CUX1: variants seen among roughly 807,000 people sequenced by gnomAD.
CUX1 encodes cut like homeobox 1.
CUX1 carries 31 observed loss-of-function variants against 158.8 expected under a neutral mutation model. The observed-to-expected ratio is 0.20, with a 90% CI of 0.15 to 0.26. The LOEUF is 0.26. Among genes scored for constraint, CUX1 ranks in the 10% least tolerant of loss-of-function variants. The pLI, the probability that CUX1 is intolerant of heterozygous loss-of-function variation, is 1.00. For missense variants in CUX1, 1,589 were observed against 2,014.6 expected (o/e 0.79, Z 4.04); for synonymous variants, 879 against 862.1 (o/e 1.02, Z -0.34).
intron 22 of CUX1, among the ~76,000 whole-genome samples, chr7:102,235,228 G>A (rs1234338369): frequency 2.0e-5 from 3 of 152,210 alleles, no homozygotes; most frequent in Non-Finnish European, 2.9e-5. Flanking sequence ...GCTGGTCCTC[G>A]CCAGTGAGTC....
At chr7:102,106,322 T>A (rs1329029190) in intron 6 of CUX1, among the ~76,000 whole-genome samples, 6 of 152,074 alleles carry the variant, frequency 3.9e-5, no homozygotes, top group African/African-American at 1.4e-4. Flanking sequence ...TCTCTTGACC[T>A]TGTGATCTGC....
At chr7:102,232,515 T>C (rs1207698411) in intron 21 of CUX1, among the ~76,000 whole-genome samples, 1 of 152,146 alleles carries the variant, frequency 6.6e-6, no homozygotes, top group Non-Finnish European at 1.5e-5. Context: ...AGGTGCCTTC[T>C]GTTCTGTACA....
At chr7:102,205,881 G>A (rs1225238546) in intron 20 of CUX1, among the ~76,000 whole-genome samples, 2 of 151,766 alleles carry the variant, frequency 1.3e-5, no homozygotes, top group African/African-American at 2.4e-5. Context: ...TCTCGTCTGC[G>A]CCCCCCCGCC....
intron 2 of CUX1, among the ~76,000 whole-genome samples, chr7:102,006,419 CAG>C (rs1040119031): frequency 1.3e-5 from 2 of 152,052 alleles, no homozygotes; most frequent in Non-Finnish European, 2.9e-5. Flanking sequence ...TTCTTTGAGA[CAG>C]AGTCTCGCGC....
chr7:102,283,166 TC>T, exon 23 of CUX1: 1 of 1,214,104 alleles, frequency 8.2e-7, no homozygotes, highest in Non-Finnish European at 1.2e-6. Flanking sequence ...TCACTTAGAC[TC>T]CCCTGAAGAA....
intron 1 of CUX1, among the ~76,000 whole-genome samples, chr7:101,831,386 G>C (rs1025291951): frequency 6.6e-6 from 1 of 152,012 alleles, no homozygotes; most frequent in East Asian, 1.9e-4. Flanking sequence ...TGCTTCCTGG[G>C]TTCAAGTGAT....
At chr7:102,097,187 T>G (rs954590049) in intron 4 of CUX1, among the ~76,000 whole-genome samples, 177 bp from the exon 5 acceptor site, 6 of 152,356 alleles carry the variant, frequency 3.9e-5, no homozygotes, top group South Asian at 2.1e-4. Context: ...CCATCCTTTG[T>G]AAAGCACTGG....
chr7:101,825,203 A>G (rs941229063), intron 1 of CUX1, among the ~76,000 whole-genome samples: 8 of 152,236 alleles, frequency 5.3e-5, no homozygotes, highest in Non-Finnish European at 1.0e-4. Flanking sequence ...TTCCCTTCCT[A>G]TTCACACAGT....
chr7:102,176,279 A>G (rs1392960677), intron 10 of CUX1, among the ~76,000 whole-genome samples: 6 of 152,186 alleles, frequency 3.9e-5, no homozygotes, highest in Non-Finnish European at 8.8e-5. Flanking sequence ...TGGTGAGCAC[A>G]CGGTGCATGG....
chr7:101,824,969 T>C (rs1793094083), intron 1 of CUX1, among the ~76,000 whole-genome samples: 1 of 152,186 alleles, frequency 6.6e-6, no homozygotes, highest in African/African-American at 2.4e-5. Flanking sequence ...GTGAAACATA[T>C]TATTTTCTGT....
At chr7:102,115,674 T>G (rs1831368929) in intron 8 of CUX1, 1 of 168,260 alleles carries the variant, frequency 5.9e-6, no homozygotes, top group South Asian at 1.8e-4. Context: ...CACGCAGGCA[T>G]AGGGGTTCAT....
Position 101,968,280 on chromosome 7 carries a change from CA to C in CUX1, c.141+52059del, listed in dbSNP as rs1315383107. Among the ~76,000 whole-genome samples, 3 of 152,070 alleles carry C rather than the reference CA, an allele frequency of 2.0e-5. No individual in the cohort carries two copies. The East Asian group carries it at 5.8e-4, about 29-fold the overall frequency. Reference sequence around the variant, plus strand: ...GTGGGGTGGGAGGGAGTTCCTATATCAAAAGTATGTTGAAATACAAGAGTCA... The same window carrying C: ...GTGGGGTGGGAGGGAGTTCCTATATCAAAGTATGTTGAAATACAAGAGTCA... On this transcript the variant is annotated intron_variant, in intron 2 of 23. Transcript: ENST00000292535.
intron 1 of CUX1, among the ~76,000 whole-genome samples, chr7:101,899,712 G>C (rs1171086109): frequency 6.6e-6 from 1 of 152,202 alleles, no homozygotes; most frequent in Non-Finnish European, 1.5e-5. Flanking sequence ...TAGAGTTCGA[G>C]AAAAACCGGT....
chr7:101,836,528 A>C (rs965317831), intron 1 of CUX1, among the ~76,000 whole-genome samples: 2 of 151,804 alleles, frequency 1.3e-5, no homozygotes, highest in African/African-American at 4.8e-5. Flanking sequence ...TCACTGGACT[A>C]TGAAGCCTGA....
intron 4 of CUX1, among the ~76,000 whole-genome samples, chr7:102,093,612 C>G (rs1246133806): frequency 6.6e-6 from 1 of 152,204 alleles, no homozygotes; most frequent in Non-Finnish European, 1.5e-5. Flanking sequence ...CCGCCAGCCT[C>G]TGACTGTAAT....
In CUX1 at chr7:101,862,472, C is replaced by T. The variant is rs115828069; in HGVS notation, c.30+44803C>T. ...CCTGCGGTTGTCCTTCAGCTGCTGC[C>T]TGTGAAATGTGATCCTTTCCATAAG... On this transcript the variant is annotated intron_variant, in intron 1 of 23. Coordinates refer to ENST00000292535, the MANE Select transcript of CUX1 (RefSeq NM_181552.4). 8.8e-3 allele frequency among the ~76,000 whole-genome samples: 1,336 copies of T among 152,260 alleles called. 18 individuals are homozygous for T. The highest frequency in any genetic ancestry group is 0.031 in the African/African-American group (1,281 of 41,534).
At chr7:101,982,809 T>C (rs10254769) in intron 2 of CUX1, among the ~76,000 whole-genome samples, 40,729 of 151,250 alleles carry the variant, frequency 0.27, 6,809 homozygotes, top group African/African-American at 0.46. Flanking sequence ...ACCATGTTGG[T>C]GTGCTGCACC....
intron 10 of CUX1, among the ~76,000 whole-genome samples, chr7:102,173,340 G>GC (rs782740469): frequency 1.3e-5 from 2 of 152,196 alleles, no homozygotes; most frequent in Non-Finnish European, 2.9e-5. Flanking sequence ...CTGGGCGACA[G>GC]CAAGACTCCA....
chr7:102,043,616 T>C (rs1347219762), intron 3 of CUX1, among the ~76,000 whole-genome samples: 1 of 152,156 alleles, frequency 6.6e-6, no homozygotes, highest in Admixed American at 6.5e-5. Flanking sequence ...CACATGTTTA[T>C]TACCCATGTA....
Sources: allele counts gnomAD v4.1 joint callset (sites outside exome capture counted in the v4.1 genomes callset), GRCh38; gene constraint gnomAD v4.1.1; transcripts MANE v1.5; gene names NCBI Gene and HGNC (gene_info 2026-07-23, HGNC 2026-07-21).